The following CSGALNACT1 variants were observed in gnomAD, a reference collection of about 807,000 sequenced individuals.
CSGALNACT1 encodes chondroitin sulfate N-acetylgalactosaminyltransferase 1.
In CSGALNACT1, 52 loss-of-function variants were observed where a neutral mutation model predicts 51.0. That is an observed-to-expected ratio of 1.02 (90% CI 0.82 to 1.29). CSGALNACT1 has a LOEUF of 1.29. CSGALNACT1 is among the 50% of genes most tolerant of loss of function. CSGALNACT1 has a pLI of 0.00. For synonymous variants in CSGALNACT1, 341 were observed against 254.4 expected, an observed-to-expected ratio of 1.34 and a Z score of -3.24; for missense variants, 935 against 679.2, an observed-to-expected ratio of 1.38 and a Z score of -4.19.
chr8:19,515,559 T>C (rs560856453), intron 3 of CSGALNACT1, among the ~76,000 whole-genome samples: 1 of 151,990 alleles, frequency 6.6e-6, no homozygotes, highest in Non-Finnish European at 1.5e-5. Context: ...ATCAAAAAAA[T>C]AAATAACTAA....
At chr8:19,722,006 G>GT (rs2063154487) in intron 1 of CSGALNACT1, among the ~76,000 whole-genome samples, 29 of 127,338 alleles carry the variant, frequency 2.3e-4, no homozygotes, top group Admixed American at 2.1e-3. Flanking sequence ...TTCGACTCAA[G>GT]CAAAAAAAAG....
At chr8:19,570,381 C>T (rs1351482279) in intron 3 of CSGALNACT1, among the ~76,000 whole-genome samples, 1 of 152,086 alleles carries the variant, frequency 6.6e-6, no homozygotes, top group Non-Finnish European at 1.5e-5. Flanking sequence ...ACCAATCCAA[C>T]AAAGAATTGT....
intron 1 of CSGALNACT1, among the ~76,000 whole-genome samples, chr8:19,749,462 G>A (rs899503670): frequency 1.1e-4 from 16 of 152,060 alleles, no homozygotes; most frequent in African/African-American, 2.9e-4. Context: ...AATAAATAAC[G>A]AGTTAAGGCT....
chr8:19,614,222 TAA>T, intron 1 of CSGALNACT1, among the ~76,000 whole-genome samples: 1 of 152,340 alleles, frequency 6.6e-6, no homozygotes, highest in African/African-American at 2.4e-5. Context: ...GACTGCCTGA[TAA>T]AGTCATTATT....
At chr8:19,635,918 C>T (rs2055990010) in intron 1 of CSGALNACT1, among the ~76,000 whole-genome samples, 3 of 152,104 alleles carry the variant, frequency 2.0e-5, no homozygotes, top group African/African-American at 7.2e-5. Context: ...TTAGTAGAGA[C>T]AGGGTTTCAC....
chr8:19,614,266 C>T (rs933361681), intron 1 of CSGALNACT1, among the ~76,000 whole-genome samples: 1 of 152,186 alleles, frequency 6.6e-6, no homozygotes, highest in Non-Finnish European at 1.5e-5. Flanking sequence ...AAATCAAAAA[C>T]TGAGACTCGA....
intron 2 of CSGALNACT1, among the ~76,000 whole-genome samples, chr8:19,597,152 A>G (rs1196385592): frequency 6.6e-6 from 1 of 152,070 alleles, no homozygotes; most frequent in Non-Finnish European, 1.5e-5. Flanking sequence ...CTGCATCCAT[A>G]TTTTAGTAGG....
chr8:19,425,074 G>A (rs1176554666), intron 6 of CSGALNACT1, among the ~76,000 whole-genome samples: 1 of 152,190 alleles, frequency 6.6e-6, no homozygotes, highest in Non-Finnish European at 1.5e-5. Context: ...CAGGTGCAGT[G>A]GCTCATGCTT....
chr8:19,427,529 T>G (rs935500617), intron 6 of CSGALNACT1, among the ~76,000 whole-genome samples: 1 of 152,060 alleles, frequency 6.6e-6, no homozygotes, highest in Non-Finnish European at 1.5e-5. Context: ...TGGCTCATGC[T>G]TGTAATCCCA....
At chr8:19,593,175 C>T (rs977390409) in intron 2 of CSGALNACT1, among the ~76,000 whole-genome samples, 2 of 152,162 alleles carry the variant, frequency 1.3e-5, no homozygotes, top group African/African-American at 4.8e-5. Flanking sequence ...ATCAGAAATA[C>T]GTGGGCTTAA....
intron 1 of CSGALNACT1, among the ~76,000 whole-genome samples, chr8:19,692,078 G>A (rs765695803): frequency 1.3e-5 from 2 of 151,904 alleles, no homozygotes; most frequent in African/African-American, 2.4e-5. Flanking sequence ...AGGGAAAACT[G>A]CCTTGGAAAA....
At chr8:19,686,408 G>A (rs1048409666), upstream of CSGALNACT1, among the ~76,000 whole-genome samples, 27 of 152,148 alleles carry the variant, frequency 1.8e-4, no homozygotes, top group Non-Finnish European at 7.3e-5. Context: ...GGAGCTACAG[G>A]AGTCTTGCTG....
chr8:19,602,730 A>T (rs922226104), upstream of CSGALNACT1: 1 of 152,218 alleles, frequency 6.6e-6, no homozygotes, highest in African/African-American at 2.4e-5. Flanking sequence ...AATGGAGGAA[A>T]CCGATGTGTC....
At chr8:19,609,157 G>T (rs573944428) in intron 1 of CSGALNACT1, among the ~76,000 whole-genome samples, 1 of 151,116 alleles carries the variant, frequency 6.6e-6, no homozygotes, top group South Asian at 2.1e-4. Context: ...CAATCCATTG[G>T]GTTAGGCTGA....
At chr8:19,465,804 G>A (rs2066532066) in intron 4 of CSGALNACT1, among the ~76,000 whole-genome samples, 1 of 152,200 alleles carries the variant, frequency 6.6e-6, no homozygotes, top group Non-Finnish European at 1.5e-5. Context: ...CAGAGAAGAT[G>A]TGATACGCTT....
At chr8:19,508,414 T>C (rs892057787) in intron 3 of CSGALNACT1, among the ~76,000 whole-genome samples, 2 of 152,246 alleles carry the variant, frequency 1.3e-5, no homozygotes, top group Non-Finnish European at 2.9e-5. Context: ...TACTGTAATT[T>C]AGAACAACAC....
chr8:19,627,354 G>A (rs796469342), intron 1 of CSGALNACT1, among the ~76,000 whole-genome samples: 45 of 152,268 alleles, frequency 3.0e-4, no homozygotes, highest in African/African-American at 1.0e-3. Flanking sequence ...TGGATCCACG[G>A]CTGCTGGAAG....
chr8:19,568,338 A>G (rs571617063), intron 3 of CSGALNACT1, among the ~76,000 whole-genome samples: 3 of 152,124 alleles, frequency 2.0e-5, no homozygotes, highest in African/African-American at 7.2e-5. Flanking sequence ...GTATCTAAAC[A>G]TATCAAAAAA....
At chr8:19,698,509 C>G (rs1352853969) in intron 1 of CSGALNACT1, among the ~76,000 whole-genome samples, 2 of 152,198 alleles carry the variant, frequency 1.3e-5, no homozygotes, top group Non-Finnish European at 2.9e-5. Flanking sequence ...CACGGAGGCT[C>G]ACAGGCTAAG....
Sources: allele counts gnomAD v4.1 joint callset (sites outside exome capture counted in the v4.1 genomes callset), GRCh38; gene constraint gnomAD v4.1.1; transcripts MANE v1.5; gene names NCBI Gene and HGNC (gene_info 2026-07-23, HGNC 2026-07-21).